Variants in CASK observed in about 807,000 individuals in gnomAD.
The protein encoded by CASK is peripheral plasma membrane protein CASK.
In CASK, 4 loss-of-function variants were observed where a neutral mutation model predicts 82.9. The observed-to-expected ratio is 0.05, with a 90% confidence interval of 0.02 to 0.11. The LOEUF (loss-of-function observed/expected upper bound fraction) is 0.11, where lower values mean the gene tolerates loss of function less well. Ranked by LOEUF, CASK falls within the 10% of genes least tolerant of loss-of-function variation. The probability of loss-of-function intolerance (pLI) is 1.00; values close to 1 mark genes in which losing one functional copy is unlikely to be tolerated. For missense variants in CASK, 358 were observed against 720.9 expected, an observed-to-expected ratio of 0.50 and a Z score of 5.76; for synonymous variants, 259 against 253.5, an observed-to-expected ratio of 1.02 and a Z score of -0.20.
At chrX:41,540,984 T>G (rs1271400774) in intron 22 of CASK, among the ~76,000 whole-genome samples, 1 of 112,334 alleles carries the variant, frequency 8.9e-6, no homozygotes, top group Non-Finnish European at 1.9e-5. Flanking sequence ...TCTTTGCTTT[T>G]CTAGGTGTAA....
At chrX:41,580,143 T>C (rs1369849848) in intron 14 of CASK, among the ~76,000 whole-genome samples, 1 of 112,270 alleles carries the variant, frequency 8.9e-6, no homozygotes, top group Non-Finnish European at 1.9e-5. Context: ...CAAATCCCTC[T>C]TTTTCTGATT....
chrX:41,561,145 C>T (rs2065222951), intron 17 of CASK, among the ~76,000 whole-genome samples: 1 of 111,219 alleles, frequency 9.0e-6, no homozygotes, highest in Admixed American at 9.6e-5. Flanking sequence ...GGCTTTCCTC[C>T]CTTCTATGCT....
intron 12 of CASK, among the ~76,000 whole-genome samples, chrX:41,599,677 CCA>C: frequency 8.9e-6 from 1 of 112,157 alleles, no homozygotes. Flanking sequence ...ACAACATAGG[CCA>C]GTGTGGCAGA....
intron 5 of CASK, among the ~76,000 whole-genome samples, chrX:41,686,559 G>A (rs2067444526): frequency 9.0e-6 from 1 of 111,256 alleles, no homozygotes; most frequent in African/African-American, 3.3e-5. Flanking sequence ...TTTCTAACAA[G>A]CTTCTGAGTG....
chrX:41,692,691 T>C (rs951756425), intron 5 of CASK, among the ~76,000 whole-genome samples: 7 of 112,238 alleles, frequency 6.2e-5, no homozygotes, highest in African/African-American at 2.3e-4. Context: ...ATTTGGTCCA[T>C]GGCCTTTTCT....
intron 1 of CASK, among the ~76,000 whole-genome samples, chrX:41,916,870 G>C (rs1046688734): frequency 2.7e-5 from 3 of 112,024 alleles, no homozygotes; most frequent in African/African-American, 9.7e-5. Context: ...GAGAGTAAAA[G>C]AAGTAGAGAA....
chrX:41,542,574 T>C (rs962805902), intron 22 of CASK, 117 bp downstream of exon 22: 77 of 497,102 alleles, frequency 1.5e-4, no homozygotes, highest in African/African-American at 1.5e-3. Context: ...TTGATGAAGA[T>C]CTCATATGGT....
intron 14 of CASK, among the ~76,000 whole-genome samples, 164 bp from the exon 15 acceptor site, chrX:41,578,692 G>A (rs1238288463): frequency 1.8e-5 from 2 of 111,269 alleles, no homozygotes; most frequent in African/African-American, 3.3e-5. Flanking sequence ...GGGCTCAAGC[G>A]ATCCTTCCTT....
chrX:41,529,569 C>T (rs2064768462), intron 25 of CASK: 1 of 113,440 alleles, frequency 8.8e-6, no homozygotes, highest in African/African-American at 3.3e-5. Context: ...GTGTGGAACC[C>T]AAGGAGAGGA....
At chrX:41,678,779 C>T (rs1038472990) in intron 5 of CASK, among the ~76,000 whole-genome samples, 9 of 111,484 alleles carry the variant, frequency 8.1e-5, no homozygotes, top group Non-Finnish European at 1.5e-4. Context: ...TGTAAAGAGC[C>T]ACCTAGATTC....
At chrX:41,723,581 T>C (rs1342666225) in intron 5 of CASK, among the ~76,000 whole-genome samples, 1 of 111,527 alleles carries the variant, frequency 9.0e-6, no homozygotes, top group Non-Finnish European at 1.9e-5. Context: ...ATGGAGATAG[T>C]GCAGGGCAAT....
At position 41,609,887 on chromosome X, in the gene CASK, T is replaced by C. The variant is rs1305477420; in HGVS notation, c.1155+17A>G. ...TCAATTCACCAAAAAAGAAGAATAA[T>C]AAAAAGACAGACTTACATCTAGTAG... On this transcript the variant is annotated intron_variant, in intron 12 of 26. Transcript: ENST00000378163. The C allele has an allele frequency of 8.3e-7, 1 of 1,208,477 alleles. No homozygotes were observed. The highest frequency in any genetic ancestry group is 2.2e-5 in the Admixed American group (1 of 45,967).
chrX:41,536,749 A>C (rs1272616676), intron 22 of CASK, among the ~76,000 whole-genome samples: 1 of 112,149 alleles, frequency 8.9e-6, no homozygotes, highest in Admixed American at 9.5e-5. Context: ...AAAACCAAGA[A>C]ATGTTTTCTG....
At chrX:41,636,034 T>C (rs1408291855) in intron 9 of CASK, among the ~76,000 whole-genome samples, 1 of 107,143 alleles carries the variant, frequency 9.3e-6, no homozygotes, top group Non-Finnish European at 1.9e-5. Flanking sequence ...GTAGCTGGGA[T>C]TATAGGCGCC....
intron 3 of CASK, among the ~76,000 whole-genome samples, chrX:41,766,836 G>A (rs955848059): frequency 9.0e-6 from 1 of 111,592 alleles, no homozygotes; most frequent in African/African-American, 3.3e-5. Flanking sequence ...GCAGTGAGCC[G>A]AGATTGGGCT....
At chrX:41,837,610 G>C (rs1224116612) in intron 2 of CASK, among the ~76,000 whole-genome samples, 1 of 112,098 alleles carries the variant, frequency 8.9e-6, no homozygotes, top group African/African-American at 3.2e-5. Flanking sequence ...ACAATTAAGA[G>C]ATTTTTTTAA....
intron 8 of CASK, among the ~76,000 whole-genome samples, chrX:41,644,441 T>C (rs1012486402): frequency 1.8e-5 from 2 of 112,405 alleles, no homozygotes; most frequent in Admixed American, 9.5e-5. Context: ...CCTATGCCTG[T>C]CTTTACTTTA....
At chrX:41,822,284 G>A (rs1481098036) in intron 2 of CASK, among the ~76,000 whole-genome samples, 1 of 111,490 alleles carries the variant, frequency 9.0e-6, no homozygotes, top group Non-Finnish European at 1.9e-5. Context: ...GTGGCCAGGC[G>A]TGGTGGCTCA....
chrX:41,914,515 G>A (rs2072637806), intron 1 of CASK, among the ~76,000 whole-genome samples: 1 of 112,378 alleles, frequency 8.9e-6, no homozygotes, highest in South Asian at 3.7e-4. Flanking sequence ...GTTAGGAGGT[G>A]ATGGGAGAAG....
Sources: allele counts gnomAD v4.1 joint callset (sites outside exome capture counted in the v4.1 genomes callset), GRCh38; gene constraint gnomAD v4.1.1; transcripts MANE v1.5; gene names NCBI Gene and HGNC (gene_info 2026-07-23, HGNC 2026-07-21).